IGBP1C: variants seen among roughly 807,000 people sequenced by gnomAD.
IGBP1C encodes the protein immunoglobulin-binding protein 1 family member C.
At chr17:58,674,364 A>G in the IGBP1C span, among the ~76,000 whole-genome samples, 2 of 152,108 alleles carry the variant, frequency 1.3e-5, no homozygotes, top group African/African-American at 4.8e-5. Flanking sequence ...AGGAGTGAGA[A>G]TAACTTATTT....
chr17:58,672,184 G>A, the IGBP1C span, among the ~76,000 whole-genome samples: 1 of 152,262 alleles, frequency 6.6e-6, no homozygotes, highest in Non-Finnish European at 1.5e-5. Context: ...CTAACAGGAG[G>A]AGGTGCTCAG....
the IGBP1C span, chr17:58,677,505 A>C: frequency 6.6e-6 from 1 of 152,210 alleles, no homozygotes; most frequent in Non-Finnish European, 1.5e-5. Context: ...CACAAGAAAC[A>C]AGCAAGGAGA....
At chr17:58,689,642 C>T in the IGBP1C span, among the ~76,000 whole-genome samples, 1 of 152,210 alleles carries the variant, frequency 6.6e-6, no homozygotes, top group East Asian at 1.9e-4. Context: ...TCATTTAACT[C>T]TTCCCTCCCT....
At chr17:58,692,027 G>A in the IGBP1C span, 2 of 153,776 alleles carry the variant, frequency 1.3e-5, no homozygotes, top group African/African-American at 4.8e-5. Flanking sequence ...CCGGGAAGAC[G>A]TGGGTGGGTG....
the IGBP1C span, among the ~76,000 whole-genome samples, chr17:58,665,412 C>G: frequency 6.6e-6 from 1 of 151,190 alleles, no homozygotes; most frequent in Non-Finnish European, 1.5e-5. Flanking sequence ...ATCAGCCTGA[C>G]CAACTTGCCT....
the IGBP1C span, among the ~76,000 whole-genome samples, chr17:58,680,959 T>C: frequency 6.6e-6 from 1 of 152,082 alleles, no homozygotes; most frequent in Non-Finnish European, 1.5e-5. Flanking sequence ...CGGTTTTCCA[T>C]CTTTACAAAA....
chr17:58,690,079 G>A, the IGBP1C span, among the ~76,000 whole-genome samples: 1 of 152,042 alleles, frequency 6.6e-6, no homozygotes, highest in African/African-American at 2.4e-5. Context: ...TCGATCTCCT[G>A]ACCTTGTGAT....
chr17:58,674,558 T>C, the IGBP1C span, among the ~76,000 whole-genome samples: 1 of 150,376 alleles, frequency 6.6e-6, no homozygotes, highest in African/African-American at 2.5e-5. Flanking sequence ...TAATCCCAGC[T>C]ACTCGAGACG....
At chr17:58,661,750 C>CA in the IGBP1C span, 1 of 559,794 alleles carries the variant, frequency 1.8e-6, no homozygotes, top group Non-Finnish European at 3.1e-6. Flanking sequence ...TAGGGGAAGG[C>CA]AACGGAGTCG....
the IGBP1C span, among the ~76,000 whole-genome samples, chr17:58,687,593 A>G: frequency 7.9e-5 from 12 of 152,180 alleles, no homozygotes; most frequent in African/African-American, 2.4e-4. Context: ...TAAGCCTCCC[A>G]AAATGCTGGG....
the IGBP1C span, among the ~76,000 whole-genome samples, chr17:58,672,757 AGTCTCGCTCT>A: frequency 6.6e-6 from 1 of 151,208 alleles, no homozygotes; most frequent in African/African-American, 2.4e-5. Flanking sequence ...TTTGAGATGG[AGTCTCGCTCT>A]GTCACCCGGG....
At chr17:58,679,797 T>C in the IGBP1C span, 2 of 152,120 alleles carry the variant, frequency 1.3e-5, no homozygotes, top group African/African-American at 4.8e-5. Context: ...GGAATAAAGA[T>C]ATTTTCCAAA....
the IGBP1C span, among the ~76,000 whole-genome samples, chr17:58,666,044 C>T: frequency 2.2e-5 from 3 of 138,640 alleles, no homozygotes; most frequent in Admixed American, 1.5e-4. Context: ...GAGACTCTGT[C>T]TCAAAAAAAA....
At chr17:58,665,468 C>T in the IGBP1C span, among the ~76,000 whole-genome samples, 1 of 151,918 alleles carries the variant, frequency 6.6e-6, no homozygotes, top group African/African-American at 2.4e-5. Flanking sequence ...TGTGGTCATG[C>T]GTGGCTGTAG....
At chr17:58,666,281 G>A in the IGBP1C span, among the ~76,000 whole-genome samples, 5 of 151,930 alleles carry the variant, frequency 3.3e-5, no homozygotes, top group African/African-American at 1.2e-4. Flanking sequence ...TCGGGAGGTG[G>A]AGGCTGCGGT....
chr17:58,666,126 T>C, the IGBP1C span, among the ~76,000 whole-genome samples: 1 of 151,306 alleles, frequency 6.6e-6, no homozygotes, highest in African/African-American at 2.4e-5. Context: ...GTGGATCACT[T>C]GAGGACAAGA....
the IGBP1C span, among the ~76,000 whole-genome samples, chr17:58,691,661 T>C: frequency 2.8e-5 from 3 of 106,982 alleles, no homozygotes; most frequent in East Asian, 2.4e-4. Flanking sequence ...AGTGAGACTC[T>C]GTCTCAAAAA....
At chr17:58,677,975 C>T in the IGBP1C span, among the ~76,000 whole-genome samples, 1 of 152,174 alleles carries the variant, frequency 6.6e-6, no homozygotes, top group Non-Finnish European at 1.5e-5. Flanking sequence ...CATGGTGAAA[C>T]CCCATCTCTA....
At chr17:58,686,183 A>T in the IGBP1C span, among the ~76,000 whole-genome samples, 4 of 152,030 alleles carry the variant, frequency 2.6e-5, no homozygotes, top group Non-Finnish European at 5.9e-5. Context: ...AAAAATTTTT[A>T]AAAATTAGCT....
Sources: gnomAD v4.1 joint callset for allele counts (sites outside exome capture counted in the v4.1 genomes callset) on GRCh38, gnomAD v4.1.1 for gene constraint, MANE v1.5 for transcripts, NCBI Gene and HGNC (gene_info 2026-07-23, HGNC 2026-07-21) for gene names.